The following CDK19 variants were observed in gnomAD, a reference collection of about 807,000 sequenced individuals.
The protein encoded by CDK19 is cyclin-dependent kinase 19.
CDK19 carries 20 observed loss-of-function variants against 68.3 expected under a neutral mutation model. The ratio of observed to expected loss-of-function variants is 0.29; its 90% CI spans 0.21 to 0.43. CDK19 has a LOEUF of 0.43. Ranked by LOEUF, CDK19 falls within the 20% of genes least tolerant of loss-of-function variation. The pLI, the probability that CDK19 is intolerant of heterozygous loss-of-function variation, is 1.00. For synonymous variants in CDK19, 221 were observed against 222.8 expected, an observed-to-expected ratio of 0.99 and a Z score of 0.07; for missense variants, 339 against 623.5, an observed-to-expected ratio of 0.54 and a Z score of 4.86.
intron 1 of CDK19, among the ~76,000 whole-genome samples, chr6:110,764,524 C>T (rs909585657): frequency 6.6e-6 from 1 of 152,176 alleles, no homozygotes; most frequent in Non-Finnish European, 1.5e-5. Context: ...TTTCAACATA[C>T]AGTGCTAGTT....
chr6:110,680,117 C>T (rs897794272), intron 2 of CDK19, among the ~76,000 whole-genome samples: 3 of 152,114 alleles, frequency 2.0e-5, no homozygotes, highest in South Asian at 2.1e-4. Context: ...ATTCCAGGGA[C>T]GCTAAGCCTC....
intron 1 of CDK19, among the ~76,000 whole-genome samples, chr6:110,799,060 C>T (rs540871413): frequency 1.3e-5 from 2 of 149,252 alleles, no homozygotes; most frequent in South Asian, 4.3e-4. Flanking sequence ...GGGAGAATCA[C>T]CTGAGCCAGG....
At chr6:110,710,909 T>A (rs1774891892) in intron 2 of CDK19, among the ~76,000 whole-genome samples, 1 of 152,218 alleles carries the variant, frequency 6.6e-6, no homozygotes, top group Non-Finnish European at 1.5e-5. Context: ...TGCATTAGAT[T>A]CTTATATTGC....
chr6:110,653,674 T>C (rs140152077), intron 4 of CDK19, among the ~76,000 whole-genome samples: 97 of 152,322 alleles, frequency 6.4e-4, no homozygotes, highest in African/African-American at 1.9e-3. Context: ...TTTAGTTAAA[T>C]TGTATTTTAA....
intron 1 of CDK19, among the ~76,000 whole-genome samples, chr6:110,784,332 T>C (rs1781048055): frequency 6.6e-6 from 1 of 152,144 alleles, no homozygotes; most frequent in Non-Finnish European, 1.5e-5. Flanking sequence ...AGAATTTGAA[T>C]AGGTATTTCT....
intron 1 of CDK19, among the ~76,000 whole-genome samples, chr6:110,807,777 C>T (rs966681026): frequency 2.6e-5 from 4 of 151,646 alleles, no homozygotes; most frequent in South Asian, 2.1e-4. Context: ...TATATTTTTA[C>T]GCACATATAC....
rs9372262 is a variant in CDK19, at chr6:110,688,138, C to A, written c.205-17597G>T. Among the ~76,000 whole-genome samples the A allele has an allele frequency of 0.022, 3,320 of 152,148 alleles. 368 individuals are homozygous for A. In the East Asian group the frequency reaches 0.36, roughly 16 times the overall value. On this transcript the variant is annotated intron_variant, in intron 2 of 12. Coordinates refer to ENST00000368911, the MANE Select transcript of CDK19 (RefSeq NM_015076.5). ...TGGTGGCTCATGCCTGTAATCCCAGCACTTTGGGAGGCCAAGGTGGGCAGA... is the reference window on the plus strand; with the variant it reads ...TGGTGGCTCATGCCTGTAATCCCAGAACTTTGGGAGGCCAAGGTGGGCAGA...
chr6:110,746,223 T>C (rs1778066670), intron 1 of CDK19, 22 bp from the exon 2 acceptor site: 4 of 1,458,890 alleles, frequency 2.7e-6, no homozygotes, highest in Non-Finnish European at 3.8e-6. Flanking sequence ...CAAAAAAACA[T>C]CATTTTTCCA....
In CDK19 at chr6:110,792,221, G is replaced by A. The variant is rs188543355; in HGVS notation, c.128+22788C>T. Among the ~76,000 whole-genome samples the A allele has an allele frequency of 2.1e-3, 322 of 150,980 alleles. 2 individuals carry two copies. The highest frequency in any genetic ancestry group is 7.6e-3 in the African/African-American group (311 of 41,124). ...CTTGACCTTGTGATCCACCCACCTC[G>A]GCCTCCCAAAGTGCTGAGATTACAG... On this transcript the variant is annotated intron_variant, in intron 1 of 12. Coordinates refer to ENST00000368911, the MANE Select transcript of CDK19 (RefSeq NM_015076.5).
intron 4 of CDK19, among the ~76,000 whole-genome samples, chr6:110,661,468 G>GTCTCACTA (rs1303131665): frequency 6.7e-6 from 1 of 150,172 alleles, no homozygotes; most frequent in African/African-American, 2.5e-5. Context: ...TAGAGATGGG[G>GTCTCACTA]TCTCACTATG....
At chr6:110,764,654 A>G (rs1779448855) in intron 1 of CDK19, among the ~76,000 whole-genome samples, 1 of 152,210 alleles carries the variant, frequency 6.6e-6, no homozygotes, top group South Asian at 2.1e-4. Flanking sequence ...GGAAAACTAT[A>G]AAATTTTTAG....
At chr6:110,774,649 G>T (rs1385962359) in intron 1 of CDK19, among the ~76,000 whole-genome samples, 1 of 152,136 alleles carries the variant, frequency 6.6e-6, no homozygotes, top group East Asian at 1.9e-4. Flanking sequence ...ATTATATAAA[G>T]AATATAAAAC....
At position 110,621,673 on chromosome 6, in the gene CDK19, C is replaced by T. The variant is rs981401682; in HGVS notation, c.1111-303G>A. Among the ~76,000 whole-genome samples, 1 of 152,202 alleles carries T rather than the reference C, an allele frequency of 6.6e-6. No homozygotes were observed. The highest frequency in any genetic ancestry group is 1.5e-5 in the Non-Finnish European group (1 of 68,046). On this transcript the variant is annotated intron_variant, in intron 11 of 12. Transcript: ENST00000368911. This position sits in a 1 kb window ranked among gnomAD's most constrained non-coding sequence, Gnocchi z 5.4. The stretch of plus-strand genomic sequence containing the variant: ...CACATTAGAAATACATTTCTTATAG[C>T]TCATTAAAACAGCTAGAAGAAATCT...
intron 2 of CDK19, among the ~76,000 whole-genome samples, chr6:110,728,761 T>C (rs1316424991): frequency 6.6e-6 from 1 of 152,182 alleles, no homozygotes; most frequent in Non-Finnish European, 1.5e-5. Context: ...TGCTGCGTCA[T>C]GCTTATACAC....
chr6:110,669,049 T>A (rs1323687865), intron 3 of CDK19, among the ~76,000 whole-genome samples: 1 of 152,234 alleles, frequency 6.6e-6, no homozygotes, highest in Non-Finnish European at 1.5e-5. Context: ...CAACATCATC[T>A]TCTTTCATCA....
chr6:110,812,657 C>A (rs1358131348), intron 1 of CDK19, among the ~76,000 whole-genome samples: 2 of 152,020 alleles, frequency 1.3e-5, no homozygotes, highest in Admixed American at 1.3e-4. Flanking sequence ...AATCATTTAT[C>A]TTTAATGTAA....
intron 5 of CDK19, among the ~76,000 whole-genome samples, chr6:110,633,197 T>G (rs1420890580): frequency 1.3e-5 from 2 of 152,144 alleles, no homozygotes; most frequent in African/African-American, 4.8e-5. Context: ...CCAGCCTGGG[T>G]GACAGAGCAA....
intron 2 of CDK19, among the ~76,000 whole-genome samples, chr6:110,730,413 TA>T (rs1201710126): frequency 1.3e-5 from 2 of 152,322 alleles, no homozygotes; most frequent in East Asian, 3.9e-4. Context: ...AGAAGAAGTT[TA>T]AACAACAAAG....
At chr6:110,813,043 GA>G (rs1319748346) in intron 1 of CDK19, 3 of 139,776 alleles carry the variant, frequency 2.1e-5, no homozygotes, top group Admixed American at 1.4e-4. Flanking sequence ...CAGATCCTGA[GA>G]GGTTTTTTTT....
Sources: allele counts gnomAD v4.1 joint callset (sites outside exome capture counted in the v4.1 genomes callset), GRCh38; gene constraint gnomAD v4.1.1; non-coding constraint Gnocchi (gnomAD v3.1); transcripts MANE v1.5; gene names NCBI Gene and HGNC (gene_info 2026-07-23, HGNC 2026-07-21).